The following GCNT2 variants were observed in gnomAD, a reference collection of about 807,000 sequenced individuals.
The protein encoded by GCNT2 is glucosaminyl (N-acetyl) transferase 2 (I blood group), also known as N-acetyllactosaminide beta-1,6-N-acetylglucosaminyl-transferase.
Under a neutral mutation model 34.2 loss-of-function variants are expected in GCNT2, and 34 were observed. The ratio of observed to expected loss-of-function variants is 1.00; its 90% CI spans 0.76 to 1.32. The LOEUF is 1.32. Ranked by LOEUF, GCNT2 falls within the 40% of genes most tolerant of loss-of-function variation. GCNT2 has a pLI of 0.00. For missense variants in GCNT2, 584 were observed against 489.4 expected (o/e 1.19, Z -1.82); for synonymous variants, 212 against 188.0 (o/e 1.13, Z -1.04).
intron 3 of GCNT2, among the ~76,000 whole-genome samples, chr6:10,578,445 CTTTTTTTTTTTT>C (rs1211582798): frequency 1.9e-5 from 2 of 103,948 alleles, no homozygotes; most frequent in South Asian, 3.1e-4. Context: ...AGCTTACATT[CTTTTTTTTTTTT>C]TTTTTTTTTG....
intron 3 of GCNT2, chr6:10,575,358 ATTTTTTT>A (rs55639937): frequency 7.3e-6 from 1 of 137,702 alleles, no homozygotes; most frequent in Non-Finnish European, 1.5e-5. Context: ...CTGGGTTGAC[ATTTTTTT>A]TTTTTTTTTT....
At chr6:10,566,872 C>G (rs1265903878) in intron 3 of GCNT2, among the ~76,000 whole-genome samples, 2 of 152,178 alleles carry the variant, frequency 1.3e-5, no homozygotes, top group Non-Finnish European at 2.9e-5. Context: ...TGAGTGGGGT[C>G]CAGAGTAAGC....
intron 3 of GCNT2, among the ~76,000 whole-genome samples, chr6:10,588,979 G>T (rs1764491340): frequency 7.1e-6 from 1 of 141,600 alleles, no homozygotes; most frequent in Non-Finnish European, 1.5e-5. Context: ...GTGTATGTAT[G>T]GTGTGGTTGT....
chr6:10,557,488 A>ATTTTTT, intron 3 of GCNT2: 4 of 674,842 alleles, frequency 5.9e-6, no homozygotes, highest in South Asian at 5.6e-5. Flanking sequence ...ATGCAGAAAG[A>ATTTTTT]TGTTCTTTTT....
chr6:10,563,773 AAAAAATATATATAT>A (rs1185283264), intron 3 of GCNT2, among the ~76,000 whole-genome samples: 1,012 of 41,132 alleles, frequency 0.025, 9 homozygotes, highest in African/African-American at 0.086. Context: ...AAAAAAAAAA[AAAAAATATATATAT>A]ATATATATAT....
intron 3 of GCNT2, among the ~76,000 whole-genome samples, chr6:10,597,884 G>C (rs889558440): frequency 3.3e-5 from 5 of 152,252 alleles, no homozygotes; most frequent in Non-Finnish European, 7.3e-5. Context: ...CAAATGGAAA[G>C]TAAGGATTAT....
chr6:10,623,487 T>C (rs1766133233), intron 4 of GCNT2, among the ~76,000 whole-genome samples: 1 of 152,050 alleles, frequency 6.6e-6, no homozygotes, highest in African/African-American at 2.4e-5. Flanking sequence ...AGACGGGGTT[T>C]CACCATGTTG....
intron 3 of GCNT2, among the ~76,000 whole-genome samples, chr6:10,611,584 C>T (rs989387175): frequency 1.3e-5 from 2 of 152,130 alleles, no homozygotes; most frequent in African/African-American, 4.8e-5. Flanking sequence ...CCGCCTCGGC[C>T]TCCCAAAGTG....
chr6:10,622,486 T>C (rs1216413592), intron 4 of GCNT2, among the ~76,000 whole-genome samples: 1 of 152,006 alleles, frequency 6.6e-6, no homozygotes, highest in East Asian at 1.9e-4. Context: ...ACCAGTCATA[T>C]TGGATTATGG....
chr6:10,601,610 G>A (rs1765087775), intron 3 of GCNT2, among the ~76,000 whole-genome samples: 1 of 152,072 alleles, frequency 6.6e-6, no homozygotes, highest in African/African-American at 2.4e-5. Flanking sequence ...ATCTGAAGAT[G>A]TCCATAATTC....
intron 3 of GCNT2, among the ~76,000 whole-genome samples, chr6:10,562,684 AAAAC>A (rs1187804497): frequency 6.6e-6 from 1 of 150,526 alleles, no homozygotes; most frequent in Non-Finnish European, 1.5e-5. Context: ...AAAACAAAAA[AAAAC>A]CCACAAAAAC....
chr6:10,604,634 G>A (rs1443003076), intron 3 of GCNT2, among the ~76,000 whole-genome samples: 1 of 152,138 alleles, frequency 6.6e-6, no homozygotes, highest in Non-Finnish European at 1.5e-5. Flanking sequence ...GCCAAGGCAG[G>A]TGGGTGTCTC....
chr6:10,544,406 C>T (rs954543936), intron 3 of GCNT2, among the ~76,000 whole-genome samples: 9 of 151,694 alleles, frequency 5.9e-5, no homozygotes, highest in Admixed American at 2.6e-4. Context: ...AGTTCAAGAC[C>T]AGTCTGGCTA....
At chr6:10,619,506 A>C (rs55679509) in intron 3 of GCNT2, 1 of 151,956 alleles carries the variant, frequency 6.6e-6, no homozygotes, top group Non-Finnish European at 1.5e-5. Context: ...GGAGTCACAA[A>C]GCCTGCCTAA....
chr6:10,611,793 T>A (rs914436472), intron 3 of GCNT2, among the ~76,000 whole-genome samples: 1 of 152,176 alleles, frequency 6.6e-6, no homozygotes, highest in African/African-American at 2.4e-5. Flanking sequence ...ACTAAATTAA[T>A]GAAGCAAATA....
chr6:10,576,114 C>T (rs1763797845), intron 3 of GCNT2, among the ~76,000 whole-genome samples: 1 of 152,204 alleles, frequency 6.6e-6, no homozygotes, highest in Admixed American at 6.5e-5. Context: ...AGGTGATCTG[C>T]CTGCCTTGGC....
intron 3 of GCNT2, among the ~76,000 whole-genome samples, chr6:10,536,934 T>C (rs1761790121): frequency 6.6e-6 from 1 of 151,700 alleles, no homozygotes; most frequent in African/African-American, 2.4e-5. Flanking sequence ...CCTGGCTAAT[T>C]TTTGCCTCTT....
chr6:10,626,285 C>A (rs1394245873), intron 4 of GCNT2, 132 bp from the exon 5 acceptor site: 2 of 734,416 alleles, frequency 2.7e-6, no homozygotes, highest in Admixed American at 3.9e-5. Flanking sequence ...ACTGCACAAT[C>A]ATATTTCATT....
At chr6:10,531,976 A>C (rs149127558) in intron 3 of GCNT2, among the ~76,000 whole-genome samples, 1 of 151,652 alleles carries the variant, frequency 6.6e-6, no homozygotes, top group Non-Finnish European at 1.5e-5. Context: ...TAATTAAAAG[A>C]TTTGCTCAGG....
Sources: allele counts gnomAD v4.1 joint callset (sites outside exome capture counted in the v4.1 genomes callset), GRCh38; gene constraint gnomAD v4.1.1; transcripts MANE v1.5; gene names NCBI Gene and HGNC (gene_info 2026-07-23, HGNC 2026-07-21).